The following SH3RF3 variants were observed in gnomAD, a reference collection of about 807,000 sequenced individuals.
SH3RF3 encodes SH3 domain containing ring finger 3.
Under a neutral mutation model 66.3 loss-of-function variants are expected in SH3RF3, and 29 were observed. The ratio of observed to expected loss-of-function variants is 0.44; its 90% CI spans 0.33 to 0.60. The LOEUF is 0.60. Among genes scored for constraint, SH3RF3 ranks in the 20% least tolerant of loss-of-function variants. The pLI is 0.04. For synonymous variants in SH3RF3, 583 were observed against 532.0 expected (o/e 1.10, Z -1.32); for missense variants, 1,194 against 1,190.9 (o/e 1.00, Z -0.04).
chr2:109,178,623 A>G (rs1363401589), intron 1 of SH3RF3, among the ~76,000 whole-genome samples: 2 of 152,212 alleles, frequency 1.3e-5, no homozygotes, highest in African/African-American at 2.4e-5. Context: ...TGAGACAGCA[A>G]GGCAGGGCAG....
chr2:109,339,196 G>A (rs1265222364), intron 1 of SH3RF3, among the ~76,000 whole-genome samples: 2 of 151,056 alleles, frequency 1.3e-5, no homozygotes, highest in Non-Finnish European at 2.9e-5. Flanking sequence ...AGGCACACTC[G>A]GTATAACTTT....
chr2:109,469,654 T>C (rs184643685), intron 8 of SH3RF3, among the ~76,000 whole-genome samples: 5 of 152,306 alleles, frequency 3.3e-5, no homozygotes, highest in Non-Finnish European at 5.9e-5. Flanking sequence ...TGTGTACTTC[T>C]GATTAAGGAC....
At chr2:109,163,662 G>A (rs983852155) in intron 1 of SH3RF3, among the ~76,000 whole-genome samples, 1 of 152,054 alleles carries the variant, frequency 6.6e-6, no homozygotes, top group Non-Finnish European at 1.5e-5. Context: ...GCCTCCCAAA[G>A]TGCTGGGATT....
rs192130688 is a variant in SH3RF3, at chr2:109,327,358, C to T, written c.574-20316C>T. ...GCACATGTTTGTGTCTGGACCCTCC[C>T]TTCAGTTCCATCGGTCTATTTGTCT... On this transcript the variant is annotated intron_variant, in intron 1 of 9. Coordinates refer to ENST00000309415, the MANE Select transcript of SH3RF3 (RefSeq NM_001099289.3). Among the ~76,000 whole-genome samples, 562 of 152,312 alleles carry T rather than the reference C, an allele frequency of 3.7e-3. 1 individual carries two copies. Among genetic ancestry groups the T allele is most frequent in the Non-Finnish European group, 5.0e-3 (339 of 68,034 alleles).
chr2:109,130,111 A>G lies in SH3RF3; in HGVS notation c.571A>G (p.Lys191Glu). The part of the protein sequence containing the change: ...LATSRTAPAA[K>E]NPCLLPYGKA... ...GACCAGCAGGACCGCGCCGGCGGCA[A>G]AGGTGAGTATCTGTCTCGGCGGAAG... Residue 191 changes from lysine (K) to glutamate (E), a missense_variant and splice_region_variant, in exon 1 of 10, where the codon AAG becomes GAG. Lys to Glu is a moderately conservative substitution (Grantham distance 56). Coordinates refer to ENST00000309415, the MANE Select transcript of SH3RF3 (RefSeq NM_001099289.3). 7.6e-7 allele frequency: 1 copy of G among 1,320,992 alleles called. No homozygotes were observed. Among genetic ancestry groups the G allele is most frequent in the Non-Finnish European group, 9.6e-7 (1 of 1,039,386 alleles). 81.8% of individuals were successfully genotyped at this position (1,320,992 alleles called of 1,614,324 possible).
chr2:109,172,197 C>T (rs1274495474), intron 1 of SH3RF3, among the ~76,000 whole-genome samples: 1 of 152,216 alleles, frequency 6.6e-6, no homozygotes, highest in Non-Finnish European at 1.5e-5. Context: ...AGCTCTCAGA[C>T]CAGGGTCCTC....
intron 8 of SH3RF3, among the ~76,000 whole-genome samples, chr2:109,451,231 G>A (rs988820885): frequency 6.6e-6 from 1 of 152,240 alleles, no homozygotes; most frequent in East Asian, 1.9e-4. Flanking sequence ...TCTGTGTTTT[G>A]TGTGTCTGTT....
intron 4 of SH3RF3, among the ~76,000 whole-genome samples, chr2:109,405,569 T>C (rs1381068258): frequency 6.6e-6 from 1 of 152,200 alleles, no homozygotes; most frequent in Non-Finnish European, 1.5e-5. Context: ...CACCTGCCCA[T>C]GTCCCTTTTG....
At chr2:109,391,419 G>T (rs1573214235) in intron 3 of SH3RF3, among the ~76,000 whole-genome samples, 1 of 152,206 alleles carries the variant, frequency 6.6e-6, no homozygotes, top group Non-Finnish European at 1.5e-5. Context: ...TCGGGGAGGG[G>T]TGCGGGTCAC....
chr2:109,423,165 C>G (rs767553510), intron 5 of SH3RF3, among the ~76,000 whole-genome samples: 3 of 152,008 alleles, frequency 2.0e-5, no homozygotes, highest in African/African-American at 4.8e-5. Context: ...GGAGTCCTAT[C>G]CAGGAGCCCA....
chr2:109,329,316 A>G (rs550243465), intron 1 of SH3RF3, among the ~76,000 whole-genome samples: 8 of 152,296 alleles, frequency 5.3e-5, no homozygotes, highest in African/African-American at 1.7e-4. Flanking sequence ...AAAAAACACA[A>G]CTCATGAGAG....
intron 4 of SH3RF3, among the ~76,000 whole-genome samples, chr2:109,412,530 A>G (rs1676619166): frequency 6.6e-6 from 1 of 152,266 alleles, no homozygotes; most frequent in Admixed American, 6.5e-5. Context: ...GCTGCAGAGC[A>G]GAGTGCCAGT....
intron 1 of SH3RF3, among the ~76,000 whole-genome samples, chr2:109,192,502 C>T (rs1678391331): frequency 6.6e-6 from 1 of 152,148 alleles, no homozygotes; most frequent in Non-Finnish European, 1.5e-5. Flanking sequence ...TGTGTTGGAT[C>T]AGAGTAAGCC....
chr2:109,337,257 G>A (rs1464045012), intron 1 of SH3RF3, among the ~76,000 whole-genome samples: 1 of 152,100 alleles, frequency 6.6e-6, no homozygotes, highest in Non-Finnish European at 1.5e-5. Context: ...AAGAGCTTGG[G>A]CTCCCTTGGT....
intron 1 of SH3RF3, among the ~76,000 whole-genome samples, chr2:109,289,753 A>G (rs1233115197): frequency 1.3e-5 from 2 of 152,292 alleles, no homozygotes; most frequent in Admixed American, 1.3e-4. Context: ...TGTTGTCATG[A>G]AAATACACTT....
chr2:109,449,214 G>A lies in SH3RF3; in HGVS notation c.1873G>A (p.Val625Met), dbSNP rs771833602. 10 of 1,613,408 alleles carry A rather than the reference G, an allele frequency of 6.2e-6. 1 individual carries two copies. In the African/African-American group the frequency reaches 6.7e-5, roughly 11 times the overall value. ...GGCTCAGGACCGGCCAACTGCCACC[G>A]TGTCACCCCTGCGCACCCAGAACTC... ...AQAQDRPTAT[V>M]SPLRTQNSPS... The change falls in exon 8 of 10, where the codon GTG (valine) becomes ATG (methionine). Residue 625 changes from valine (V) to methionine (M), a missense_variant. Transcript: ENST00000309415.
intron 1 of SH3RF3, among the ~76,000 whole-genome samples, chr2:109,246,902 C>G (rs149907822): frequency 5.9e-5 from 9 of 152,322 alleles, no homozygotes; most frequent in African/African-American, 2.2e-4. Flanking sequence ...TAGGACCCCT[C>G]TGACTCAGGG....
chr2:109,272,425 C>T (rs1029961844), intron 1 of SH3RF3, among the ~76,000 whole-genome samples: 2 of 152,228 alleles, frequency 1.3e-5, no homozygotes, highest in Non-Finnish European at 2.9e-5. Flanking sequence ...GCTGTCTGCA[C>T]AGACCCACCA....
chr2:109,188,915 A>G (rs547769980), intron 1 of SH3RF3, among the ~76,000 whole-genome samples: 13 of 151,932 alleles, frequency 8.6e-5, no homozygotes, highest in African/African-American at 3.1e-4. Flanking sequence ...TAGTCTCACA[A>G]CTTTTTCTTT....
Sources: gnomAD v4.1 joint callset for allele counts (sites outside exome capture counted in the v4.1 genomes callset) on GRCh38, gnomAD v4.1.1 for gene constraint, MANE v1.5 for transcripts, NCBI Gene and HGNC (gene_info 2026-07-23, HGNC 2026-07-21) for gene names.